Variants in WSB2 observed in about 807,000 individuals in gnomAD.
WSB2 encodes WD repeat and SOCS box-containing protein 2.
Under a neutral mutation model 48.8 loss-of-function variants are expected in WSB2, and 12 were observed. That is an observed-to-expected ratio of 0.25 (90% CI 0.16 to 0.40). The LOEUF is 0.40. Ranked by LOEUF, WSB2 falls within the 10% of genes least tolerant of loss-of-function variation. WSB2 has a pLI of 1.00. For missense variants in WSB2, 317 were observed against 506.2 expected, an observed-to-expected ratio of 0.63 and a Z score of 3.59; for synonymous variants, 191 against 203.1, an observed-to-expected ratio of 0.94 and a Z score of 0.51.
chr12:118,051,411 T>A (rs999368109), intron 2 of WSB2, among the ~76,000 whole-genome samples: 71 of 152,232 alleles, frequency 4.7e-4, no homozygotes, highest in Non-Finnish European at 1.5e-4. Flanking sequence ...GAACAAAATT[T>A]GGCATCTCCA....
chr12:118,043,040 C>G, intron 3 of WSB2, 68 bp from the exon 4 acceptor site: 1 of 1,613,444 alleles, frequency 6.2e-7, no homozygotes, highest in Non-Finnish European at 8.5e-7. Context: ...CACGGCCACA[C>G]CCCTTGGCCA....
intron 1 of WSB2, among the ~76,000 whole-genome samples, chr12:118,055,391 A>G (rs2031936717): frequency 6.6e-6 from 1 of 152,168 alleles, no homozygotes. Flanking sequence ...AGATGCAGTC[A>G]AGTATTAAAT....
chr12:118,062,064 G>A (rs1351428943), upstream of WSB2: 1 of 1,531,396 alleles, frequency 6.5e-7, no homozygotes. Context: ...AAACGGGGCA[G>A]GAGCGATTCG....
At chr12:118,056,759 G>A (rs1403010694) in intron 1 of WSB2, among the ~76,000 whole-genome samples, 6 of 151,970 alleles carry the variant, frequency 3.9e-5, no homozygotes, top group Non-Finnish European at 7.4e-5. Flanking sequence ...AAATTAGCCG[G>A]GCATAGTGGC....
At chr12:118,046,080 G>C (rs1017467656) in intron 2 of WSB2, among the ~76,000 whole-genome samples, 1 of 152,180 alleles carries the variant, frequency 6.6e-6, no homozygotes, top group African/African-American at 2.4e-5. Context: ...ATTTGGTTAG[G>C]TATTGTCTGA....
rs367751201 is a variant in WSB2, at chr12:118,043,118, C to G, written c.427+15G>C. The G allele has an allele frequency of 3.1e-6, 5 of 1,614,028 alleles. No individual in the cohort carries two copies. The highest frequency in any genetic ancestry group is 4.2e-6 in the Non-Finnish European group (5 of 1,180,012). ...CGAGCCTCCCAGAACCTTGTGCCAG[C>G]CAGGAATGACCTACCTGTCTGCACC... On this transcript the variant is annotated intron_variant, in intron 3 of 8. Transcript: ENST00000315436.
chr12:118,055,154 C>T (rs2031932269), intron 1 of WSB2, among the ~76,000 whole-genome samples: 1 of 152,110 alleles, frequency 6.6e-6, no homozygotes, highest in Non-Finnish European at 1.5e-5. Flanking sequence ...TATACAATCA[C>T]ATGTGTATAG....
At position 118,035,303 on chromosome 12, in the gene WSB2, G is replaced by T. The variant is rs769029649; in HGVS notation, c.855C>A (p.Ala285=). 7 of 1,614,182 alleles carry T rather than the reference G, an allele frequency of 4.3e-6. No homozygotes were observed. The highest frequency in any genetic ancestry group is 5.9e-6 in the Non-Finnish European group (7 of 1,180,048). ...TAATGTGGACGTCACTGTCATCCATGGCGGGGTCAACCTGGGTGTGGCTGG... is the reference window on the plus strand; with the variant it reads ...TAATGTGGACGTCACTGTCATCCATTGCGGGGTCAACCTGGGTGTGGCTGG... The part of the protein sequence containing the change: ...RSLHHTQVDP[A]MDDSDVHISS... The change falls in exon 7 of 9, where the codon GCC becomes GCA. Residue 285 remains alanine (A), a synonymous_variant. Coordinates refer to ENST00000315436, the MANE Select transcript of WSB2 (RefSeq NM_018639.5).
chr12:118,036,317 T>C (rs748682648), intron 6 of WSB2, 21 bp downstream of exon 6: 12 of 1,605,114 alleles, frequency 7.5e-6, no homozygotes, highest in Non-Finnish European at 8.5e-6. Flanking sequence ...AAAAAAGTCA[T>C]AGCAGGGATT....
intron 1 of WSB2, among the ~76,000 whole-genome samples, chr12:118,058,677 C>G (rs1008588702): frequency 6.6e-6 from 1 of 151,358 alleles, no homozygotes; most frequent in African/African-American, 2.4e-5. Flanking sequence ...TCTTTATAAC[C>G]ATCACTTAGA....
At chr12:118,047,363 G>A (rs147327624) in intron 2 of WSB2, among the ~76,000 whole-genome samples, 3 of 152,078 alleles carry the variant, frequency 2.0e-5, no homozygotes, top group African/African-American at 7.2e-5. Flanking sequence ...GGAAAGAGCT[G>A]ATGAGGCAAG....
chr12:118,038,406 C>A lies in WSB2; in HGVS notation c.560-18G>T. The A allele has an allele frequency of 6.2e-7, 1 of 1,611,412 alleles. No individual in the cohort carries two copies. Among genetic ancestry groups the A allele is most frequent in the Non-Finnish European group, 8.5e-7 (1 of 1,178,014 alleles). On this transcript the variant is annotated intron_variant, in intron 4 of 8. Transcript: ENST00000315436. ...CTGTTTACCTGGCAGGAAAAAGAAG[C>A]AAACAATGAGCCAGTCCTCAACAAA... is the stretch of plus-strand genomic sequence containing the variant.
chr12:118,054,504 C>T (rs2031916726), intron 1 of WSB2, among the ~76,000 whole-genome samples: 2 of 151,804 alleles, frequency 1.3e-5, no homozygotes, highest in Admixed American at 1.3e-4. Flanking sequence ...AACCCCATCT[C>T]TACTAAAAAT....
chr12:118,046,548 G>T (rs2031750542), intron 2 of WSB2, among the ~76,000 whole-genome samples: 1 of 151,786 alleles, frequency 6.6e-6, no homozygotes, highest in Non-Finnish European at 1.5e-5. Context: ...TTGTTATTCT[G>T]GCCAAACAAT....
intron 1 of WSB2, among the ~76,000 whole-genome samples, chr12:118,057,424 G>A (rs1332687542): frequency 1.3e-5 from 2 of 151,710 alleles, no homozygotes; most frequent in South Asian, 2.1e-4. Context: ...ACAGGCATGC[G>A]CCACCACACC....
At chr12:118,039,559 A>G (rs2031584445) in intron 4 of WSB2, among the ~76,000 whole-genome samples, 1 of 152,120 alleles carries the variant, frequency 6.6e-6, no homozygotes. Context: ...AACACAGGGT[A>G]CCAGGATGCA....
chr12:118,049,419 T>C (rs77946506), intron 2 of WSB2, among the ~76,000 whole-genome samples: 1 of 152,088 alleles, frequency 6.6e-6, no homozygotes, highest in Non-Finnish European at 1.5e-5. Context: ...TTTTTTTTTT[T>C]GAGATGGAAT....
rs758713701 is a variant in WSB2 at position 118,042,825 on chromosome 12, C to T, written c.559+16G>A. ...GTATTTTTGGAGTTGCCGAGTAGTTCCTTCACTTCCCATACCGTGTTTATT... is the reference window on the plus strand; with the variant it reads ...GTATTTTTGGAGTTGCCGAGTAGTTTCTTCACTTCCCATACCGTGTTTATT... On this transcript the variant is annotated intron_variant, in intron 4 of 8. Coordinates refer to ENST00000315436, the MANE Select transcript of WSB2 (RefSeq NM_018639.5). The T allele has an allele frequency of 2.5e-6, 4 of 1,610,788 alleles. No individual in the cohort carries two copies. The highest frequency in any genetic ancestry group is 3.4e-5 in the Admixed American group (2 of 59,438).
At chr12:118,061,499 A>C (rs906715788), upstream of WSB2, among the ~76,000 whole-genome samples, 1 of 150,148 alleles carries the variant, frequency 6.7e-6, no homozygotes, top group African/African-American at 2.5e-5. Flanking sequence ...CGGGGAAGGG[A>C]GGGAGGTGAA....
Sources: allele counts gnomAD v4.1 joint callset (sites outside exome capture counted in the v4.1 genomes callset), GRCh38; gene constraint gnomAD v4.1.1; transcripts MANE v1.5; gene names NCBI Gene and HGNC (gene_info 2026-07-23, HGNC 2026-07-21).